Variants in MAP3K9 observed in about 807,000 individuals in gnomAD.
MAP3K9 encodes the protein mixed lineage kinase 1 (tyr and ser/thr specificity).
Under a neutral mutation model 95.8 loss-of-function variants are expected in MAP3K9, and 46 were observed. The observed-to-expected ratio is 0.48, with a 90% CI of 0.38 to 0.61. The LOEUF (loss-of-function observed/expected upper bound fraction) is 0.61. Among genes scored for constraint, MAP3K9 ranks in the 20% least tolerant of loss-of-function variants. The pLI, the probability that MAP3K9 is intolerant of heterozygous loss-of-function variation, is 0.00. For synonymous variants in MAP3K9, 533 were observed against 593.8 expected (o/e 0.90, Z 1.49); for missense variants, 1,296 against 1,474.3 (o/e 0.88, Z 1.98).
intron 2 of MAP3K9, among the ~76,000 whole-genome samples, chr14:70,793,282 T>A (rs534201621): frequency 6.6e-6 from 1 of 152,236 alleles, no homozygotes; most frequent in African/African-American, 2.4e-5. Context: ...GCGTTTGGGA[T>A]TAATAACGAA....
intron 2 of MAP3K9, among the ~76,000 whole-genome samples, chr14:70,792,759 C>T (rs1267377961): frequency 6.6e-6 from 1 of 152,158 alleles, no homozygotes; most frequent in East Asian, 1.9e-4. Flanking sequence ...GCAAACTCAC[C>T]AGCCATGAGA....
Position 70,730,593 on chromosome 14 carries a change from G to A in MAP3K9, c.3102C>T (p.Ser1034=). The part of the protein sequence containing the change: ...SSTETPSNLD[S]CFASSSSTVE... The stretch of plus-strand genomic sequence containing the variant: ...CAGTGCTGCTACTGCTAGCAAAGCA[G>A]GAGTCCAGGTTGCTGGGCGTCTCTG... The change falls in exon 12 of 12, where the codon TCC becomes TCT. Residue 1034 remains serine, a synonymous_variant. Coordinates refer to ENST00000554752, the MANE Select transcript of MAP3K9 (RefSeq NM_001284230.2). The A allele has an allele frequency of 6.2e-7, 1 of 1,614,084 alleles. No homozygotes were observed. Among genetic ancestry groups the A allele is most frequent in the Non-Finnish European group, 8.5e-7 (1 of 1,180,046 alleles).
intron 9 of MAP3K9, among the ~76,000 whole-genome samples, chr14:70,735,367 T>C (rs1419997835): frequency 1.4e-4 from 2 of 14,036 alleles, no homozygotes; most frequent in African/African-American, 2.6e-4. Context: ...AGAGTGGCTC[T>C]TTTTTTTTTT....
chr14:70,761,816 T>C (rs77577993), intron 2 of MAP3K9, among the ~76,000 whole-genome samples: 1,786 of 152,330 alleles, frequency 0.012, 45 homozygotes, highest in African/African-American at 0.041. Flanking sequence ...TTTAGTGATA[T>C]TGTGTACATT....
chr14:70,804,426 T>C (rs2054967297), intron 1 of MAP3K9, among the ~76,000 whole-genome samples: 1 of 152,198 alleles, frequency 6.6e-6, no homozygotes, highest in Admixed American at 6.5e-5. Flanking sequence ...CTTGGAGAAA[T>C]ACATGTTAAG....
At chr14:70,740,250 T>C (rs2054051658) in intron 6 of MAP3K9, 86 bp from the exon 7 acceptor site, 2 of 1,410,714 alleles carry the variant, frequency 1.4e-6, no homozygotes, top group East Asian at 2.4e-5. Flanking sequence ...CTCAGCATCC[T>C]TGAGGGACAG....
At chr14:70,793,781 T>C (rs118104868) in intron 2 of MAP3K9, among the ~76,000 whole-genome samples, 2,243 of 152,292 alleles carry the variant, frequency 0.015, 29 homozygotes, top group Non-Finnish European at 0.022. Flanking sequence ...GGGATGCTCC[T>C]GAAATCATAG....
At chr14:70,797,887 A>G (rs1484159639) in intron 2 of MAP3K9, among the ~76,000 whole-genome samples, 1 of 152,224 alleles carries the variant, frequency 6.6e-6, no homozygotes, top group South Asian at 2.1e-4. Flanking sequence ...CCCACCACAC[A>G]TGTAAGATTT....
intron 3 of MAP3K9, among the ~76,000 whole-genome samples, chr14:70,757,308 CA>C (rs909650233): frequency 6.6e-6 from 1 of 151,084 alleles, no homozygotes; most frequent in Non-Finnish European, 1.5e-5. Context: ...CCTGTCTCTA[CA>C]AAAAAAATAG....
At chr14:70,764,657 C>G (rs2054424695) in intron 2 of MAP3K9, among the ~76,000 whole-genome samples, 1 of 151,844 alleles carries the variant, frequency 6.6e-6, no homozygotes, top group Non-Finnish European at 1.5e-5. Flanking sequence ...ATAGTGAAAC[C>G]TTGTCTCTAC....
intron 1 of MAP3K9, among the ~76,000 whole-genome samples, chr14:70,803,337 TAAAAAAAAAA>T (rs10583563): frequency 2.7e-5 from 2 of 75,200 alleles, no homozygotes; most frequent in African/African-American, 1.1e-4. Flanking sequence ...ATTCAGATCT[TAAAAAAAAAA>T]AAAAAAAAAA....
intron 5 of MAP3K9, among the ~76,000 whole-genome samples, chr14:70,744,879 C>T (rs2054124064): frequency 6.6e-6 from 1 of 152,098 alleles, no homozygotes; most frequent in African/African-American, 2.4e-5. Flanking sequence ...AAGAACAGGC[C>T]CTTTTGTCCT....
chr14:70,770,026 G>A (rs2139802743), intron 2 of MAP3K9, among the ~76,000 whole-genome samples: 1 of 152,250 alleles, frequency 6.6e-6, no homozygotes, highest in South Asian at 2.1e-4. Flanking sequence ...CAGAGTCTCT[G>A]GGAAATTCCC....
At chr14:70,766,011 A>G (rs2054450360) in intron 2 of MAP3K9, among the ~76,000 whole-genome samples, 1 of 152,074 alleles carries the variant, frequency 6.6e-6, no homozygotes. Flanking sequence ...GAAAAGATAC[A>G]TTGGAACTAA....
chr14:70,747,549 C>T (rs919927867), intron 5 of MAP3K9, among the ~76,000 whole-genome samples: 2 of 152,292 alleles, frequency 1.3e-5, no homozygotes, highest in East Asian at 1.9e-4. Context: ...CAACGAATAT[C>T]GGTTTTTGGA....
At chr14:70,752,725 A>C (rs566588671) in intron 3 of MAP3K9, among the ~76,000 whole-genome samples, 1 of 152,302 alleles carries the variant, frequency 6.6e-6, no homozygotes, top group African/African-American at 2.4e-5. Context: ...CTGGGCCCTA[A>C]CTACCTGGAA....
At chr14:70,754,638 A>AT (rs1322018104) in intron 3 of MAP3K9, among the ~76,000 whole-genome samples, 2 of 151,822 alleles carry the variant, frequency 1.3e-5, no homozygotes, top group African/African-American at 4.8e-5. Flanking sequence ...TGCCCGGCTA[A>AT]TTTTTTGTAT....
In MAP3K9 at chr14:70,733,704, G is replaced by C. The variant is rs2053945511; in HGVS notation, c.2027-362C>G. ...AGTTGCTGGGTGTGTCTGTGAGGCT[G>C]TTTCCAGGGGAGACTAAGATGGGAG... On this transcript the variant is annotated intron_variant, in intron 10 of 11. Coordinates refer to ENST00000554752, the MANE Select transcript of MAP3K9 (RefSeq NM_001284230.2). 5.6e-6 allele frequency: 4 copies of C among 718,004 alleles called. No homozygotes were observed. The Middle Eastern group carries it at 7.0e-4, about 125-fold the overall frequency. The allele number at this position is 718,004 out of a possible 1,614,324, so 44.5% of individuals were successfully genotyped here.
rs1305790196 is a variant in MAP3K9, at chr14:70,729,052, G to C, written c.*1328C>G. ...GGAAACAACTTCCAGGAAGGTCAGG[G>C]TTGGCCTCTGCTATCCTTCCTACTC... On this transcript the variant is annotated 3_prime_UTR_variant, in exon 12 of 12. Coordinates refer to ENST00000554752, the MANE Select transcript of MAP3K9 (RefSeq NM_001284230.2). The C allele has an allele frequency of 1.3e-5, 2 of 152,282 alleles. No homozygotes were observed. Among genetic ancestry groups the C allele is most frequent in the Non-Finnish European group, 2.9e-5 (2 of 68,102 alleles). The allele number at this position is 152,282 out of a possible 1,614,324, so 9.4% of individuals were successfully genotyped here.
Sources: allele counts gnomAD v4.1 joint callset (sites outside exome capture counted in the v4.1 genomes callset), GRCh38; gene constraint gnomAD v4.1.1; transcripts MANE v1.5; gene names NCBI Gene and HGNC (gene_info 2026-07-23, HGNC 2026-07-21).